Variants in DYTN observed in about 807,000 individuals in gnomAD.
DYTN encodes the protein dystrotelin.
A neutral mutation model predicts 69.6 loss-of-function variants in DYTN; 75 were observed. The ratio of observed to expected loss-of-function variants is 1.08; its 90% CI spans 0.89 to 1.31. The LOEUF (loss-of-function observed/expected upper bound fraction) is 1.31, where lower values mean the gene tolerates loss of function less well. Ranked by LOEUF, DYTN falls within the 50% of genes most tolerant of loss-of-function variation. The pLI is 0.00. For synonymous variants in DYTN, 252 were observed against 249.1 expected, an observed-to-expected ratio of 1.01 and a Z score of -0.11; for missense variants, 726 against 688.4, an observed-to-expected ratio of 1.05 and a Z score of -0.61.
intron 2 of DYTN, 79 bp downstream of exon 2, chr2:206,710,445 G>T (rs984079774): frequency 2.3e-6 from 3 of 1,327,070 alleles, no homozygotes; most frequent in Admixed American, 2.1e-5. Context: ...CATGGGGGGA[G>T]TGTTTGTTTT....
intron 7 of DYTN, among the ~76,000 whole-genome samples, chr2:206,697,921 A>G (rs931345970): frequency 5.3e-5 from 8 of 152,226 alleles, no homozygotes; most frequent in South Asian, 4.1e-4. Flanking sequence ...TTTGTCATCT[A>G]TAGAATAGAA....
intron 9 of DYTN, among the ~76,000 whole-genome samples, chr2:206,671,883 T>C (rs1183373302): frequency 1.3e-5 from 2 of 152,252 alleles, no homozygotes; most frequent in Non-Finnish European, 2.9e-5. Flanking sequence ...AATGAAAGCA[T>C]AAGCTGTTTC....
At chr2:206,652,465 A>C (rs1010200540) in intron 11 of DYTN, among the ~76,000 whole-genome samples, 1 of 152,208 alleles carries the variant, frequency 6.6e-6, no homozygotes, top group African/African-American at 2.4e-5. Flanking sequence ...GCAGGTATCA[A>C]CTAAAATTTT....
intron 9 of DYTN, among the ~76,000 whole-genome samples, chr2:206,685,955 G>A (rs1477581635): frequency 1.4e-5 from 2 of 144,958 alleles, no homozygotes; most frequent in Non-Finnish European, 3.0e-5. Flanking sequence ...ATTGAAAAAT[G>A]TTATAAAAAG....
At chr2:206,672,355 C>T (rs1017243387) in intron 9 of DYTN, among the ~76,000 whole-genome samples, 1 of 152,164 alleles carries the variant, frequency 6.6e-6, no homozygotes, top group Non-Finnish European at 1.5e-5. Flanking sequence ...AATTTCCTCC[C>T]TCAGAACAAA....
At chr2:206,675,115 A>ATGTGTGTG (rs757679127) in intron 9 of DYTN, among the ~76,000 whole-genome samples, 4,741 of 131,430 alleles carry the variant, frequency 0.036, 225 homozygotes, top group African/African-American at 0.11. Context: ...ATATATATAT[A>ATGTGTGTG]TGTGTGTGTG....
chr2:206,666,738 CGTGTGTGTGTGTGTGT>C (rs56345459), intron 9 of DYTN, among the ~76,000 whole-genome samples: 2 of 145,744 alleles, frequency 1.4e-5, no homozygotes, highest in Admixed American at 6.8e-5. Flanking sequence ...CATGGGTGTG[CGTGTGTGTGTGTGTGT>C]GTGTGTGTGT....
At chr2:206,667,746 G>A (rs1699589450) in intron 9 of DYTN, among the ~76,000 whole-genome samples, 1 of 149,778 alleles carries the variant, frequency 6.7e-6, no homozygotes, top group Non-Finnish European at 1.5e-5. Context: ...ATGTCTTCTG[G>A]ATCAGGCCTA....
At chr2:206,709,362 T>C (rs1700057163) in intron 2 of DYTN, among the ~76,000 whole-genome samples, 1 of 152,068 alleles carries the variant, frequency 6.6e-6, no homozygotes. Flanking sequence ...GGTGGAAGGA[T>C]GGCTTCAGCC....
rs1436248643 is a variant in DYTN at position 206,659,266 on chromosome 2, G to C, written c.1633+3637C>G. On this transcript the variant is annotated intron_variant, in intron 11 of 11. Transcript: ENST00000452335. ...AGCTCACTGCAAGCTCCGCCTCCTG[G>C]GTTCAAGCCATTCTCCTGCCTCAGG... is the stretch of plus-strand genomic sequence containing the variant. Among the ~76,000 whole-genome samples, 3 of 149,390 alleles carry C rather than the reference G, an allele frequency of 2.0e-5. No individual in the cohort carries two copies. The East Asian group carries it at 5.9e-4, about 29-fold the overall frequency.
chr2:206,652,291 C>A (rs981980108), intron 11 of DYTN, among the ~76,000 whole-genome samples: 3 of 152,122 alleles, frequency 2.0e-5, no homozygotes, highest in African/African-American at 7.2e-5. Context: ...GGGACGGAGC[C>A]TGAGCATTTA....
intron 3 of DYTN, among the ~76,000 whole-genome samples, chr2:206,706,661 G>A (rs1420183045): frequency 6.6e-6 from 1 of 152,044 alleles, no homozygotes; most frequent in Non-Finnish European, 1.5e-5. Flanking sequence ...TTTTTGAAAA[G>A]TTTATTCTAA....
At chr2:206,709,928 T>C (rs746713260) in intron 2 of DYTN, among the ~76,000 whole-genome samples, 1 of 152,136 alleles carries the variant, frequency 6.6e-6, no homozygotes, top group Non-Finnish European at 1.5e-5. Flanking sequence ...TTATTTTGCC[T>C]AGATAACAGT....
intron 9 of DYTN, among the ~76,000 whole-genome samples, chr2:206,683,536 G>T (rs910299947): frequency 6.6e-6 from 1 of 151,568 alleles, no homozygotes; most frequent in African/African-American, 2.4e-5. Context: ...TAGAGACAGG[G>T]TTTTACCATG....
rs374531133 is a variant in DYTN at position 206,653,913 on chromosome 2, C to G, written c.1634-1992G>C. On this transcript the variant is annotated intron_variant, in intron 11 of 11. Transcript: ENST00000452335. ...CATCTCTTGGCTAGACTGCAGTAGG[C>G]TTTTACCTGGTCTCTTTGCTCACCC... Among the ~76,000 whole-genome samples, 46 of 152,312 alleles carry G rather than the reference C, an allele frequency of 3.0e-4. 1 individual carries two copies. The South Asian group carries it at 9.3e-3, about 31-fold the overall frequency.
intron 9 of DYTN, among the ~76,000 whole-genome samples, chr2:206,672,403 T>A (rs747773238): frequency 1.3e-5 from 2 of 152,210 alleles, no homozygotes; most frequent in African/African-American, 2.4e-5. Flanking sequence ...ATTGTGAATG[T>A]TTTTCCATCC....
intron 5 of DYTN, among the ~76,000 whole-genome samples, chr2:206,702,392 T>A (rs539891366): frequency 6.6e-6 from 1 of 152,244 alleles, no homozygotes; most frequent in Non-Finnish European, 1.5e-5. Context: ...GAATAAACGT[T>A]CTTCTAATCA....
At chr2:206,657,175 G>A (rs538056845) in intron 11 of DYTN, among the ~76,000 whole-genome samples, 76 of 152,212 alleles carry the variant, frequency 5.0e-4, no homozygotes, top group Non-Finnish European at 9.4e-4. Flanking sequence ...GAGTGCAGTG[G>A]TGTGATTAGC....
chr2:206,657,430 A>G (rs900057848), intron 11 of DYTN, among the ~76,000 whole-genome samples: 10 of 152,224 alleles, frequency 6.6e-5, no homozygotes, highest in Admixed American at 2.0e-4. Flanking sequence ...GATGTGAGCC[A>G]CCACATCCAG....
Sources: gnomAD v4.1 joint callset for allele counts (sites outside exome capture counted in the v4.1 genomes callset) on GRCh38, gnomAD v4.1.1 for gene constraint, MANE v1.5 for transcripts, NCBI Gene and HGNC (gene_info 2026-07-23, HGNC 2026-07-21) for gene names.